Variants in HEATR5B observed in about 807,000 individuals in gnomAD.
HEATR5B encodes the protein HEAT repeat containing 5B.
Under a neutral mutation model 224.1 loss-of-function variants are expected in HEATR5B, and 156 were observed. That is an observed-to-expected ratio of 0.70 (90% CI 0.61 to 0.80). The LOEUF (loss-of-function observed/expected upper bound fraction) is 0.80. Among genes scored for constraint, HEATR5B ranks in the 30% least tolerant of loss-of-function variants. The probability of loss-of-function intolerance (pLI) is 0.00; values close to 1 mark genes in which losing one functional copy is unlikely to be tolerated. For synonymous variants in HEATR5B, 1,027 were observed against 893.0 expected (o/e 1.15, Z -2.68); for missense variants, 2,323 against 2,535.5 (o/e 0.92, Z 1.80).
At chr2:37,014,231 G>C (rs1344087702) in intron 26 of HEATR5B, among the ~76,000 whole-genome samples, 2 of 151,878 alleles carry the variant, frequency 1.3e-5, no homozygotes, top group African/African-American at 2.4e-5. Flanking sequence ...GCGTGATCTC[G>C]GCTCACTGCA....
intron 10 of HEATR5B, among the ~76,000 whole-genome samples, chr2:37,062,992 G>A (rs1374324659): frequency 6.6e-6 from 1 of 152,054 alleles, no homozygotes; most frequent in African/African-American, 2.4e-5. Context: ...GTATGACAGG[G>A]TCTCACTATG....
intron 27 of HEATR5B, among the ~76,000 whole-genome samples, chr2:37,012,342 C>T (rs931494189): frequency 9.2e-5 from 14 of 152,106 alleles, no homozygotes; most frequent in African/African-American, 3.4e-4. Context: ...AACCTTTGTG[C>T]ATATCCTTAA....
At chr2:37,025,107 A>G (rs1668686136) in intron 24 of HEATR5B, among the ~76,000 whole-genome samples, 1 of 152,234 alleles carries the variant, frequency 6.6e-6, no homozygotes, top group South Asian at 2.1e-4. Context: ...TATTGGGTCT[A>G]TACTTTTTCA....
intron 18 of HEATR5B, among the ~76,000 whole-genome samples, chr2:37,042,889 C>CAAAAAA (rs373043531): frequency 1.2e-5 from 1 of 80,730 alleles, no homozygotes. Flanking sequence ...GACTCTGTCT[C>CAAAAAA]AAAAAAAAAA....
At position 37,063,760 on chromosome 2, in the gene HEATR5B, G is replaced by C. The variant is rs555223432; in HGVS notation, c.1584+980C>G. On this transcript the variant is annotated intron_variant, in intron 10 of 35. Transcript: ENST00000233099. ...TTAAGATTACTGAGAAGAAAACCAT[G>C]ATAGTAGTATACAACAGAAAGAAAG... Among the ~76,000 whole-genome samples, 51 of 152,162 alleles carry C rather than the reference G, an allele frequency of 3.4e-4. 1 individual carries two copies. The highest frequency in any genetic ancestry group is 2.9e-3 in the Admixed American group (45 of 15,282).
chr2:37,018,901 C>G (rs1267215329), intron 26 of HEATR5B, among the ~76,000 whole-genome samples: 1 of 151,928 alleles, frequency 6.6e-6, no homozygotes, highest in African/African-American at 2.4e-5. Context: ...GTGGCACATC[C>G]CTGTAATACC....
Position 37,007,103 on chromosome 2 carries a change from C to T in HEATR5B, c.4724G>A (p.Gly1575Asp), listed in dbSNP as rs1667469243. ...VNLNQASGAV[G>D]SAKSLPEINK... ...AATTTCTGGCAAAGATTTAGCACTA[C>T]CCACTGCTCCTGATGCCTGGTTTAA... Residue 1575 changes from glycine (G) to aspartate (D), a missense_variant, in exon 29 of 36, where the codon GGT (glycine) becomes GAT (aspartate). By Grantham distance (94) the Gly-to-Asp change is moderately conservative (BLOSUM62 -1). Transcript: ENST00000233099. 6.8e-6 allele frequency: 11 copies of T among 1,613,886 alleles called. No homozygotes were observed. Among genetic ancestry groups the T allele is most frequent in the African/African-American group, 1.3e-5 (1 of 74,908 alleles).
chr2:37,029,831 C>G (rs142841072), intron 22 of HEATR5B, among the ~76,000 whole-genome samples: 1 of 151,552 alleles, frequency 6.6e-6, no homozygotes, highest in Non-Finnish European at 1.5e-5. Context: ...TCGAGCCACT[C>G]GGGAGGCTGA....
intron 8 of HEATR5B, 33 bp downstream of exon 8, chr2:37,068,648 G>A (rs781231093): frequency 1.5e-5 from 24 of 1,602,556 alleles, no homozygotes; most frequent in Non-Finnish European, 1.6e-5. Flanking sequence ...AATGACTAAG[G>A]TAATCAACAC....
At chr2:36,990,901 G>A in intron 33 of HEATR5B, 102 bp from the exon 34 acceptor site, 1 of 1,029,220 alleles carries the variant, frequency 9.7e-7, no homozygotes. Flanking sequence ...TGTTGTCCAG[G>A]CTGGTCTTGA....
At chr2:37,043,605 C>T (rs1292335780) in intron 18 of HEATR5B, among the ~76,000 whole-genome samples, 1 of 131,638 alleles carries the variant, frequency 7.6e-6, no homozygotes, top group Non-Finnish European at 1.7e-5. Context: ...GTTGTTGTTT[C>T]CTAATCCTTA....
At chr2:37,048,255 G>A (rs1477187071) in intron 18 of HEATR5B, among the ~76,000 whole-genome samples, 2 of 151,444 alleles carry the variant, frequency 1.3e-5, no homozygotes, top group African/African-American at 2.4e-5. Context: ...CATGATCTTG[G>A]CTCACTGCAA....
Position 37,002,523 on chromosome 2 carries a change from AC to A in HEATR5B, c.5099del (p.Gly1700ValfsTer20). 6.2e-7 allele frequency: 1 copy of A among 1,614,100 alleles called. No homozygotes were observed. The highest frequency in any genetic ancestry group is 8.5e-7 in the Non-Finnish European group (1 of 1,180,002). ...TTCCAGGAATGAGACCACCGCTGTC[AC>A]CTCCTTCTCCCAATACGGTACAGGC... Reference protein sequence around the residue: ...KEACTVLGEGGDSGGLIPGKS... With the variant: ...KEACTVLGEGXDSGGLIPGKS... On this transcript the variant is annotated frameshift_variant, in exon 32 of 36. Coordinates refer to ENST00000233099, the MANE Select transcript of HEATR5B (RefSeq NM_019024.3). LOFTEE classifies it high-confidence loss of function.
At chr2:37,082,603 C>T (rs1215623875) in intron 2 of HEATR5B, among the ~76,000 whole-genome samples, 1 of 152,232 alleles carries the variant, frequency 6.6e-6, no homozygotes, top group Non-Finnish European at 1.5e-5. Context: ...CGATCTGCGC[C>T]TTAAGGGCAT....
chr2:37,008,454 T>C (rs1364886041), intron 28 of HEATR5B, 157 bp downstream of exon 28: 2 of 625,410 alleles, frequency 3.2e-6, no homozygotes, highest in South Asian at 1.9e-5. Flanking sequence ...ACAAATTCAA[T>C]ATAGAGTACA....
chr2:37,028,458 TC>T (rs1433594882), intron 23 of HEATR5B, among the ~76,000 whole-genome samples: 1 of 152,088 alleles, frequency 6.6e-6, no homozygotes. Flanking sequence ...AGTTTGAACT[TC>T]CAAAAAATTT....
chr2:36,992,456 C>T (rs187658057), intron 33 of HEATR5B, among the ~76,000 whole-genome samples: 52 of 152,100 alleles, frequency 3.4e-4, no homozygotes, highest in African/African-American at 1.2e-3. Flanking sequence ...TGGTGCATGC[C>T]TGCAGTCCCA....
chr2:37,025,894 G>A (rs973196448), intron 24 of HEATR5B, among the ~76,000 whole-genome samples: 1 of 152,104 alleles, frequency 6.6e-6, no homozygotes, highest in African/African-American at 2.4e-5. Flanking sequence ...GCTTTTTCAT[G>A]TTGAATCCCT....
At position 37,008,749 on chromosome 2, in the gene HEATR5B, C is replaced by T; in HGVS notation, c.4384G>A (p.Asp1462Asn). 2.5e-6 allele frequency: 4 copies of T among 1,613,938 alleles called. No homozygotes were observed. The highest frequency in any genetic ancestry group is 2.2e-5 in the East Asian group (1 of 44,872). The part of the protein sequence containing the change: ...DDDDDDCGTI[D>N]ELPPDSLITL... The stretch of plus-strand genomic sequence containing the variant: ...ATTAAACTATCTGGTGGCAGTTCAT[C>T]GATGGTACCACAGTCGTCATCATCA... Residue 1462 changes from aspartate (D) to asparagine (N), a missense_variant, in exon 28 of 36, where the codon GAT becomes AAT. Asp to Asn is a conservative substitution (Grantham distance 23). This residue lies in a region of HEATR5B where 844 missense variants were observed against 812.9 expected (regional missense o/e 1.04). Coordinates refer to ENST00000233099, the MANE Select transcript of HEATR5B (RefSeq NM_019024.3).
Sources: allele counts gnomAD v4.1 joint callset (sites outside exome capture counted in the v4.1 genomes callset), GRCh38; gene constraint gnomAD v4.1.1; regional missense constraint gnomAD v4.1.1; transcripts MANE v1.5; gene names NCBI Gene and HGNC (gene_info 2026-07-23, HGNC 2026-07-21).